The following STRIP2 variants were observed in gnomAD, a reference collection of about 807,000 sequenced individuals.
The protein encoded by STRIP2 is striatin interacting protein 2.
Under a neutral mutation model 107.1 loss-of-function variants are expected in STRIP2, and 84 were observed. That is an observed-to-expected ratio of 0.78 (90% CI 0.66 to 0.94). The LOEUF (loss-of-function observed/expected upper bound fraction) is 0.94. STRIP2 is among the 40% of genes least tolerant of loss of function. STRIP2 has a pLI of 0.00. For missense variants in STRIP2, 888 were observed against 1,034.2 expected, an observed-to-expected ratio of 0.86 and a Z score of 1.94; for synonymous variants, 394 against 400.4, an observed-to-expected ratio of 0.98 and a Z score of 0.19.
intron 1 of STRIP2, 62 bp from the exon 2 acceptor site, chr7:129,439,960 C>A: frequency 7.6e-7 from 1 of 1,322,892 alleles, no homozygotes; most frequent in Non-Finnish European, 1.1e-6. Flanking sequence ...AGGGTACAGT[C>A]TTCCCTTGGC....
intron 13 of STRIP2, chr7:129,460,694 T>C (rs917579844): frequency 9.6e-5 from 33 of 343,058 alleles, no homozygotes; most frequent in African/African-American, 6.6e-4. Flanking sequence ...TAAGCCAAGA[T>C]CTGAGGGACA....
In STRIP2 at chr7:129,485,561, CCT is replaced by C; in HGVS notation, c.2255-13_2255-12del. ...GTCTTGCATTGTATGTCTTCTTCTT[CCT>C]CTCTTTCCAACACAGACATCGATGC... On this transcript the variant is annotated splice_polypyrimidine_tract_variant and intron_variant, in intron 20 of 20. Coordinates refer to ENST00000249344, the MANE Select transcript of STRIP2 (RefSeq NM_020704.3). 1 of 1,612,730 alleles carries C rather than the reference CCT, an allele frequency of 6.2e-7. No individual in the cohort carries two copies. Among genetic ancestry groups the C allele is most frequent in the Non-Finnish European group, 8.5e-7 (1 of 1,179,336 alleles).
Position 129,450,960 on chromosome 7 carries a change from G to A in STRIP2, c.275-653G>A, listed in dbSNP as rs538398384. 1.1e-4 allele frequency among the ~76,000 whole-genome samples: 10 copies of A among 92,750 alleles called. No homozygotes were observed. In the East Asian group the frequency reaches 2.8e-3, roughly 26 times the overall value. The allele number at this position is 92,750 out of a possible 152,430, so 60.8% of individuals were successfully genotyped here. A position where few individuals can be genotyped will look rare whatever the true frequency, so the allele number is the denominator to read the frequency against. The stretch of plus-strand genomic sequence containing the variant: ...TTTTTTTTTTTTTTTTTTTTGAGAC[G>A]GAGTCTCGCTCTGTCGCCCAGGCTG... On this transcript the variant is annotated intron_variant, in intron 3 of 20. Coordinates refer to ENST00000249344, the MANE Select transcript of STRIP2 (RefSeq NM_020704.3).
At chr7:129,446,930 G>A (rs1316224340) in intron 3 of STRIP2, among the ~76,000 whole-genome samples, 1 of 152,184 alleles carries the variant, frequency 6.6e-6, no homozygotes, top group Non-Finnish European at 1.5e-5. Context: ...ATAGTCAAAC[G>A]TTCAGTTTCC....
Position 129,455,267 on chromosome 7 carries a change from C to T in STRIP2, c.730C>T (p.Pro244Ser), listed in dbSNP as rs771305258. 6.2e-7 allele frequency: 1 copy of T among 1,613,590 alleles called. No individual in the cohort carries two copies. The highest frequency in any genetic ancestry group is 1.3e-5 in the African/African-American group (1 of 74,892). ...AGGCTTCTCCATGCATAATGAGGAG[C>T]CTTTTGCCCTTTTACTCTTCTCCAT... is the stretch of plus-strand genomic sequence containing the variant. ...ELSFSMHNEE[P>S]FALLLFSMVT... The change falls in exon 8 of 21, where the codon CCT (proline) becomes TCT (serine). Residue 244 changes from proline to serine, a missense_variant. By Grantham distance (74) the Pro-to-Ser change is moderately conservative. Transcript: ENST00000249344.
At chr7:129,435,368 CA>C (rs1797707073) in intron 1 of STRIP2, among the ~76,000 whole-genome samples, 1 of 152,226 alleles carries the variant, frequency 6.6e-6, no homozygotes, top group Non-Finnish European at 1.5e-5. Context: ...CAGTTCCCAT[CA>C]GTTGGATCTG....
intron 13 of STRIP2, among the ~76,000 whole-genome samples, chr7:129,462,224 T>G (rs4731579): frequency 0.31 from 47,121 of 152,154 alleles, 8,537 homozygotes; most frequent in East Asian, 0.6. Context: ...AATGTCCATT[T>G]AGGACTTACG....
chr7:129,470,089 C>A (rs1008982615), intron 17 of STRIP2, among the ~76,000 whole-genome samples: 29 of 152,228 alleles, frequency 1.9e-4, no homozygotes, highest in Non-Finnish European at 7.3e-5. Flanking sequence ...CAGTCCCCCA[C>A]TGTCAGCTAT....
Position 129,434,577 on chromosome 7 carries a change from C to G in STRIP2, c.105C>G (p.Phe35Leu). The change falls in exon 1 of 21, where the codon TTC becomes TTG. Residue 35 changes from phenylalanine (F) to leucine (L), a missense_variant. Transcript: ENST00000249344. ...KQAAPKGREA[F>L]RSQRRESEGS... is the part of the protein sequence containing the mutation. ...CGGCGCCCAAGGGCCGCGAAGCGTT[C>G]CGAAGCCAGCGGCGGGAGTCAGAGG... The G allele has an allele frequency of 1.3e-6, 2 of 1,515,026 alleles. No homozygotes were observed. The highest frequency in any genetic ancestry group is 2.4e-5 in the South Asian group (2 of 82,070). 93.8% of individuals were successfully genotyped at this position (1,515,026 alleles called of 1,614,324 possible).
chr7:129,465,233 G>T (rs1037168192), intron 16 of STRIP2, among the ~76,000 whole-genome samples: 3 of 152,144 alleles, frequency 2.0e-5, no homozygotes, highest in African/African-American at 7.2e-5. Context: ...ATACTGATAA[G>T]CACTGGTTGC....
chr7:129,458,528 T>C lies in STRIP2; in HGVS notation c.1274+78T>C. ...GGCCCAAGATGGGGTAGTCTATGTA[T>C]TCAAGGCTCGTTAAGTTGGTCTGGC... On this transcript the variant is annotated intron_variant, in intron 10 of 20. Coordinates refer to ENST00000249344, the MANE Select transcript of STRIP2 (RefSeq NM_020704.3). This position sits in a 1 kb window ranked among gnomAD's most constrained non-coding sequence, Gnocchi z 4.6. 7.4e-7 allele frequency: 1 copy of C among 1,343,714 alleles called. No homozygotes were observed. The allele number at this position is 1,343,714 out of a possible 1,614,324, so 83.2% of individuals were successfully genotyped here. A position where few individuals can be genotyped will look rare whatever the true frequency, so the allele number is the denominator to read the frequency against.
At chr7:129,436,998 G>A (rs1036103552) in intron 1 of STRIP2, among the ~76,000 whole-genome samples, 1 of 152,100 alleles carries the variant, frequency 6.6e-6, no homozygotes, top group Non-Finnish European at 1.5e-5. Flanking sequence ...ACTGGTCTGT[G>A]GTAAAATGAG....
chr7:129,455,480 G>C, intron 8 of STRIP2, 109 bp downstream of exon 8: 1 of 1,386,908 alleles, frequency 7.2e-7, no homozygotes, highest in Non-Finnish European at 9.7e-7. Context: ...AGAACAGGCA[G>C]CCCTTAGCCA....
Position 129,465,804 on chromosome 7 carries a change from C to T in STRIP2, c.1776+1066C>T, listed in dbSNP as rs190410321. Among the ~76,000 whole-genome samples the T allele has an allele frequency of 1.3e-3, 201 of 152,160 alleles. 1 individual carries two copies. The highest frequency in any genetic ancestry group is 1.2e-3 in the Admixed American group (19 of 15,286). On this transcript the variant is annotated intron_variant, in intron 16 of 20. Coordinates refer to ENST00000249344, the MANE Select transcript of STRIP2 (RefSeq NM_020704.3). Reference sequence around the variant, plus strand: ...TGGATGCTCCTGTCTGTGAGGAGACCACAGGGAAAAAAGGAATGCTTCTCA... The same window carrying T: ...TGGATGCTCCTGTCTGTGAGGAGACTACAGGGAAAAAAGGAATGCTTCTCA...
intron 8 of STRIP2, among the ~76,000 whole-genome samples, chr7:129,455,775 CA>C (rs1386646058): frequency 2.0e-5 from 3 of 152,018 alleles, no homozygotes; most frequent in Non-Finnish European, 4.4e-5. Context: ...TCCAGATAAA[CA>C]GAGGTTTTGT....
chr7:129,478,023 C>A, intron 18 of STRIP2: 1 of 430,460 alleles, frequency 2.3e-6, no homozygotes, highest in South Asian at 1.8e-5. Flanking sequence ...GAGATGGCAA[C>A]CAGCGGGCAA....
intron 3 of STRIP2, among the ~76,000 whole-genome samples, chr7:129,446,227 C>G (rs1798030545): frequency 1.3e-5 from 2 of 152,112 alleles, no homozygotes; most frequent in Non-Finnish European, 2.9e-5. Flanking sequence ...ACGGGTCATC[C>G]TATCCACTTG....
chr7:129,463,963 AGGGC>A, intron 14 of STRIP2, 77 bp from the exon 15 acceptor site: 1 of 1,053,632 alleles, frequency 9.5e-7, no homozygotes, highest in Non-Finnish European at 1.4e-6. Context: ...CACTTTTTAT[AGGGC>A]GGTTAGGGTG....
intron 19 of STRIP2, among the ~76,000 whole-genome samples, chr7:129,482,277 T>G (rs1799136306): frequency 6.6e-6 from 1 of 151,740 alleles, no homozygotes; most frequent in Admixed American, 6.6e-5. Flanking sequence ...CTTTTCACTT[T>G]ATACCATATG....
Sources: gnomAD v4.1 joint callset for allele counts (sites outside exome capture counted in the v4.1 genomes callset) on GRCh38, gnomAD v4.1.1 for gene constraint, Gnocchi (gnomAD v3.1) non-coding constraint, MANE v1.5 for transcripts, NCBI Gene and HGNC (gene_info 2026-07-23, HGNC 2026-07-21) for gene names.